The following ZSCAN31 variants were observed in gnomAD, a reference collection of about 807,000 sequenced individuals.
The protein encoded by ZSCAN31 is zinc finger and SCAN domain-containing protein 31.
A neutral mutation model predicts 22.5 loss-of-function variants in ZSCAN31; 14 were observed. That is an observed-to-expected ratio of 0.62 (90% CI 0.41 to 0.97). The LOEUF (loss-of-function observed/expected upper bound fraction) is 0.97. ZSCAN31 is among the 50% of genes least tolerant of loss of function. The pLI is 0.00. For synonymous variants in ZSCAN31, 168 were observed against 169.8 expected (o/e 0.99, Z 0.08); for missense variants, 424 against 483.4 (o/e 0.88, Z 1.15).
chr6:28,329,735 G>A lies in ZSCAN31; in HGVS notation c.-52C>T. ...TCTGGCTTTAAGTAAAGGGATAACT[G>A]TGATTTAAAATTTTCTGATTTAATC... On this transcript the variant is annotated 5_prime_UTR_variant, in exon 2 of 4. Coordinates refer to ENST00000344279, the MANE Select transcript of ZSCAN31 (RefSeq NM_030899.5). 1 of 1,535,598 alleles carries A rather than the reference G, an allele frequency of 6.5e-7. No homozygotes were observed. Among genetic ancestry groups the A allele is most frequent in the Non-Finnish European group, 8.7e-7 (1 of 1,145,192 alleles).
intron 1 of ZSCAN31, among the ~76,000 whole-genome samples, chr6:28,330,362 A>G (rs1366132042): frequency 6.6e-6 from 1 of 152,206 alleles, no homozygotes; most frequent in East Asian, 1.9e-4. Flanking sequence ...TAAGTTTATC[A>G]CTATATGCCA....
intron 2 of ZSCAN31, chr6:28,353,339 T>G (rs1292040149): frequency 1.9e-5 from 3 of 154,328 alleles, no homozygotes; most frequent in Non-Finnish European, 4.3e-5. Flanking sequence ...TCCAGTCAAA[T>G]AATTTTGCAG....
intron 2 of ZSCAN31, among the ~76,000 whole-genome samples, chr6:28,350,761 A>G (rs763090606): frequency 2.6e-5 from 4 of 152,140 alleles, no homozygotes; most frequent in Admixed American, 6.5e-5. Flanking sequence ...GATGATTTCT[A>G]TATTTTAGGA....
In ZSCAN31 at chr6:28,326,126, G is replaced by T. The variant is rs772256929; in HGVS notation, c.*40C>A. On this transcript the variant is annotated 3_prime_UTR_variant, in exon 4 of 4. Transcript: ENST00000344279. ...TATGGATTCTAAAATGCCTAATAAGGTTGCAATGATGACTGAAGGCTTTCC... is the reference window on the plus strand; with the variant it reads ...TATGGATTCTAAAATGCCTAATAAGTTTGCAATGATGACTGAAGGCTTTCC... The T allele has an allele frequency of 5.9e-6, 9 of 1,534,938 alleles. No homozygotes were observed. In the Admixed American group the frequency reaches 1.6e-4, roughly 28 times the overall value.
At position 28,326,490 on chromosome 6, in the gene ZSCAN31, C is replaced by T. The variant is rs1306503512; in HGVS notation, c.897G>A (p.Glu299=). 6.2e-7 allele frequency: 1 copy of T among 1,614,184 alleles called. No individual in the cohort carries two copies. The highest frequency in any genetic ancestry group is 8.5e-7 in the Non-Finnish European group (1 of 1,180,032). ...TGCTGGCACTGAAGGCTTTCCCACA[C>T]TCCTTACATTGATAGGGTTTCTCTC... ...HTGEKPYQCK[E]CGKAFSASNG... is the part of the protein sequence containing the mutation. The change falls in exon 4 of 4, where the codon GAG becomes GAA. Residue 299 remains glutamate (E), a synonymous_variant. Transcript: ENST00000344279.
intron 2 of ZSCAN31, among the ~76,000 whole-genome samples, chr6:28,352,698 T>C (rs1765119488): frequency 6.6e-6 from 1 of 152,230 alleles, no homozygotes; most frequent in Non-Finnish European, 1.5e-5. Flanking sequence ...TAGATTAGAT[T>C]TAGGCTCACT....
At chr6:28,348,617 C>T (rs1301301055) in intron 2 of ZSCAN31, among the ~76,000 whole-genome samples, 1 of 152,148 alleles carries the variant, frequency 6.6e-6, no homozygotes, top group Non-Finnish European at 1.5e-5. Context: ...TGTGCCAATA[C>T]TATATTGTCT....
chr6:28,346,672 T>C (rs1561924506), intron 2 of ZSCAN31, among the ~76,000 whole-genome samples: 1 of 152,072 alleles, frequency 6.6e-6, no homozygotes, highest in Non-Finnish European at 1.5e-5. Context: ...GGTACAGTCT[T>C]TATTATTAAA....
chr6:28,329,727 G>A lies in ZSCAN31; in HGVS notation c.-44C>T. On this transcript the variant is annotated 5_prime_UTR_variant, in exon 2 of 4. Transcript: ENST00000344279. ...AGGCTTACTCTGGCTTTAAGTAAAG[G>A]GATAACTGTGATTTAAAATTTTCTG... The A allele has an allele frequency of 6.5e-7, 1 of 1,543,672 alleles. No individual in the cohort carries two copies. The highest frequency in any genetic ancestry group is 8.7e-7 in the Non-Finnish European group (1 of 1,149,042).
intron 2 of ZSCAN31, among the ~76,000 whole-genome samples, chr6:28,353,033 A>T (rs1401487172): frequency 4.2e-5 from 6 of 142,920 alleles, no homozygotes; most frequent in Non-Finnish European, 1.5e-5. Context: ...CAGTGGTGCG[A>T]TCTTGGCTCA....
chr6:28,326,127 T>A lies in ZSCAN31; in HGVS notation c.*39A>T, dbSNP rs1357424664. 6.5e-7 allele frequency: 1 copy of A among 1,537,122 alleles called. No homozygotes were observed. Among genetic ancestry groups the A allele is most frequent in the Admixed American group, 1.8e-5 (1 of 55,142 alleles). On this transcript the variant is annotated 3_prime_UTR_variant, in exon 4 of 4. Coordinates refer to ENST00000344279, the MANE Select transcript of ZSCAN31 (RefSeq NM_030899.5). ...ATGGATTCTAAAATGCCTAATAAGGTTGCAATGATGACTGAAGGCTTTCCC... is the reference window on the plus strand; with the variant it reads ...ATGGATTCTAAAATGCCTAATAAGGATGCAATGATGACTGAAGGCTTTCCC...
At chr6:28,356,268 C>T (rs950157098), upstream of ZSCAN31, 10 of 152,260 alleles carry the variant, frequency 6.6e-5, no homozygotes, top group South Asian at 2.1e-4. Flanking sequence ...AGTTGCCCAG[C>T]AATGTCCTTT....
Position 28,329,821 on chromosome 6 carries a change from G to A in ZSCAN31, c.-95-43C>T, listed in dbSNP as rs556086096. Reference sequence around the variant, plus strand: ...TATATTAATGGAAATAAATCATAAAGTAGTGGGGAAAAAAGCAAAGTATGG... The same window carrying A: ...TATATTAATGGAAATAAATCATAAAATAGTGGGGAAAAAAGCAAAGTATGG... On this transcript the variant is annotated intron_variant, in intron 1 of 3. Coordinates refer to ENST00000344279, the MANE Select transcript of ZSCAN31 (RefSeq NM_030899.5). 2.6e-6 allele frequency: 3 copies of A among 1,166,060 alleles called. No homozygotes were observed. The South Asian group carries it at 5.5e-5, about 21-fold the overall frequency. 72.2% of individuals were successfully genotyped at this position (1,166,060 alleles called of 1,614,324 possible). A position where few individuals can be genotyped will look rare whatever the true frequency, so the allele number is the denominator to read the frequency against.
At chr6:28,339,485 G>A (rs934210907), upstream of ZSCAN31, among the ~76,000 whole-genome samples, 3 of 151,416 alleles carry the variant, frequency 2.0e-5, no homozygotes, top group African/African-American at 7.3e-5. Flanking sequence ...ACGGGGTTTC[G>A]CCGTGTTGGC....
chr6:28,340,517 GT>G (rs940255834), upstream of ZSCAN31, among the ~76,000 whole-genome samples: 6 of 152,198 alleles, frequency 3.9e-5, no homozygotes, highest in African/African-American at 1.4e-4. Flanking sequence ...AGAAGAACAT[GT>G]TGCTTCTCCT....
chr6:28,340,493 C>T (rs1399639713), upstream of ZSCAN31, among the ~76,000 whole-genome samples: 1 of 152,198 alleles, frequency 6.6e-6, no homozygotes, highest in Non-Finnish European at 1.5e-5. Flanking sequence ...CTTCTCTCTC[C>T]TGCTGCCATG....
chr6:28,354,040 C>T (rs942222539), intron 1 of ZSCAN31: 125 of 435,698 alleles, frequency 2.9e-4, no homozygotes, highest in Non-Finnish European at 5.3e-4. Context: ...CTCCTCCGAC[C>T]GCAGCCCTTC....
rs1765222442 is a variant in ZSCAN31, at chr6:28,353,762, GA to G, written c.-371+99del. 6.6e-6 allele frequency: 3 copies of G among 451,138 alleles called. No individual in the cohort carries two copies. The Admixed American group carries it at 7.1e-5, about 11-fold the overall frequency. 27.9% of individuals were successfully genotyped at this position (451,138 alleles called of 1,614,324 possible). A position where few individuals can be genotyped will look rare whatever the true frequency, so the allele number is the denominator to read the frequency against. On this transcript the variant is annotated intron_variant, in intron 2 of 7. Coordinates refer to the ZSCAN31 transcript ENST00000396838. Reference sequence around the variant, plus strand: ...AGTTCTGGGGAAGACTGTGGATAGAGAAAAGAAAAGGTCAAGAACAGAACCA... The same window carrying G: ...AGTTCTGGGGAAGACTGTGGATAGAGAAAGAAAAGGTCAAGAACAGAACCA...
chr6:28,335,930 G>C (rs986331469), intron 1 of ZSCAN31, 152 bp downstream of exon 1: 1 of 152,320 alleles, frequency 6.6e-6, no homozygotes, highest in Non-Finnish European at 1.5e-5. Context: ...ATAAGGGGCG[G>C]GACCTCCACC....
Sources: allele counts gnomAD v4.1 joint callset (sites outside exome capture counted in the v4.1 genomes callset), GRCh38; gene constraint gnomAD v4.1.1; transcripts MANE v1.5; gene names NCBI Gene and HGNC (gene_info 2026-07-23, HGNC 2026-07-21).